ANTXR1: variants seen among roughly 807,000 people sequenced by gnomAD.
ANTXR1 encodes the protein anthrax toxin receptor 1.
ANTXR1 carries 19 observed loss-of-function variants against 78.1 expected under a neutral mutation model. That is an observed-to-expected ratio of 0.24 (90% confidence interval 0.17 to 0.36). The LOEUF (loss-of-function observed/expected upper bound fraction) is 0.36, where lower values mean the gene tolerates loss of function less well. ANTXR1 is among the 10% of genes least tolerant of loss of function. The pLI, the probability that ANTXR1 is intolerant of heterozygous loss-of-function variation, is 1.00. For synonymous variants in ANTXR1, 273 were observed against 260.5 expected, an observed-to-expected ratio of 1.05 and a Z score of -0.46; for missense variants, 518 against 718.6, an observed-to-expected ratio of 0.72 and a Z score of 3.19.
At chr2:69,032,055 G>A (rs1312128207) in intron 1 of ANTXR1, among the ~76,000 whole-genome samples, 1 of 152,106 alleles carries the variant, frequency 6.6e-6, no homozygotes, top group African/African-American at 2.4e-5. Flanking sequence ...TTATAATGGT[G>A]AAAAAGTAGA....
intron 8 of ANTXR1, among the ~76,000 whole-genome samples, chr2:69,088,338 T>C (rs898786662): frequency 6.6e-6 from 1 of 152,222 alleles, no homozygotes; most frequent in Non-Finnish European, 1.5e-5. Flanking sequence ...AAAAGCTCTT[T>C]TTAAATTCTT....
At chr2:69,091,118 TAAAA>T (rs199910182) in intron 9 of ANTXR1, among the ~76,000 whole-genome samples, 199 bp downstream of exon 9, 1 of 138,950 alleles carries the variant, frequency 7.2e-6, no homozygotes. Context: ...GTTTGGAAGT[TAAAA>T]AAAAAAAAAA....
chr2:69,222,427 T>C (rs1005972203), intron 17 of ANTXR1, among the ~76,000 whole-genome samples: 3 of 152,184 alleles, frequency 2.0e-5, no homozygotes, highest in African/African-American at 7.2e-5. Context: ...CAGATATTAA[T>C]TCCAGAGTGA....
intron 8 of ANTXR1, among the ~76,000 whole-genome samples, chr2:69,082,160 C>T (rs542866935): frequency 6.6e-6 from 1 of 152,148 alleles, no homozygotes; most frequent in Non-Finnish European, 1.5e-5. Context: ...CTGAATACAC[C>T]GTGGATGGGC....
At chr2:69,191,742 T>A (rs1023888444) in intron 16 of ANTXR1, among the ~76,000 whole-genome samples, 1 of 152,140 alleles carries the variant, frequency 6.6e-6, no homozygotes, top group African/African-American at 2.4e-5. Flanking sequence ...TTCTAAAGGA[T>A]CTAAATTAAA....
At position 69,013,311 on chromosome 2, in the gene ANTXR1, A is replaced by G. The variant is rs1670919095; in HGVS notation, c.-189A>G. ...TCCTTGAAACCCGAAACCCAGAAAC[A>G]GCATCGGAGCGGAAACCAGAGGGGA... On this transcript the variant is annotated 5_prime_UTR_variant, in exon 1 of 18. Transcript: ENST00000303714. The surrounding 1 kb of genome is among the most constrained non-coding windows in gnomAD (Gnocchi z 5.0). 1 of 755,474 alleles carries G rather than the reference A, an allele frequency of 1.3e-6. No homozygotes were observed. The highest frequency in any genetic ancestry group is 2.2e-6 in the Non-Finnish European group (1 of 461,902). The allele number at this position is 755,474 out of a possible 1,614,324, so 46.8% of individuals were successfully genotyped here.
chr2:69,108,892 A>G (rs958959812), intron 10 of ANTXR1, among the ~76,000 whole-genome samples: 2 of 152,236 alleles, frequency 1.3e-5, no homozygotes, highest in African/African-American at 4.8e-5. Flanking sequence ...AAATGTAACA[A>G]GAACTAATTT....
At chr2:69,077,272 T>G (rs1370282677) in intron 7 of ANTXR1, 136 bp from the exon 8 acceptor site, 2 of 886,550 alleles carry the variant, frequency 2.3e-6, no homozygotes, top group African/African-American at 3.3e-5. Flanking sequence ...GGGCAGCCCC[T>G]GAGCCCAGTG....
intron 6 of ANTXR1, 69 bp from the exon 7 acceptor site, chr2:69,075,521 C>A: frequency 1.4e-6 from 2 of 1,441,168 alleles, no homozygotes; most frequent in Non-Finnish European, 2.0e-6. Flanking sequence ...TGAAGTTAGT[C>A]AGGTAGCTCC....
At chr2:69,124,750 C>A in intron 12 of ANTXR1, 107 bp downstream of exon 12, 1 of 1,135,770 alleles carries the variant, frequency 8.8e-7, no homozygotes, top group Non-Finnish European at 1.3e-6. Flanking sequence ...TTTTTTGGTT[C>A]TTCGTTCTGC....
intron 3 of ANTXR1, among the ~76,000 whole-genome samples, chr2:69,045,985 C>A (rs1669756830): frequency 6.6e-6 from 1 of 152,088 alleles, no homozygotes; most frequent in African/African-American, 2.4e-5. Context: ...ATCATAAAAT[C>A]CAAGACACTT....
chr2:69,194,801 C>A (rs1002318526), intron 17 of ANTXR1, among the ~76,000 whole-genome samples: 1 of 150,352 alleles, frequency 6.7e-6, no homozygotes, highest in Non-Finnish European at 1.5e-5. Context: ...TGCAGTGAGC[C>A]GAGATCGCAC....
chr2:69,014,555 C>T (rs890055412), intron 1 of ANTXR1, among the ~76,000 whole-genome samples: 5 of 152,058 alleles, frequency 3.3e-5, no homozygotes, highest in Non-Finnish European at 7.4e-5. Flanking sequence ...TTCCCAAATC[C>T]GCATAAGTTT....
intron 14 of ANTXR1, among the ~76,000 whole-genome samples, chr2:69,180,584 CACTT>C (rs1369646576): frequency 1.3e-5 from 2 of 152,072 alleles, no homozygotes; most frequent in Non-Finnish European, 2.9e-5. Context: ...AAGTTGCAGA[CACTT>C]AATTAACTGC....
chr2:69,170,317 G>A (rs753726210), intron 14 of ANTXR1, 28 bp downstream of exon 14: 1 of 1,613,456 alleles, frequency 6.2e-7, no homozygotes, highest in Non-Finnish European at 8.5e-7. Context: ...GATGGCAGTG[G>A]GTGGGCAGGG....
At chr2:69,130,871 T>G (rs1672720340) in intron 12 of ANTXR1, among the ~76,000 whole-genome samples, 1 of 152,180 alleles carries the variant, frequency 6.6e-6, no homozygotes, top group South Asian at 2.1e-4. Flanking sequence ...TTGAAGATGT[T>G]GCCCACAAGA....
At chr2:69,074,151 G>T (rs1218071172) in intron 6 of ANTXR1, among the ~76,000 whole-genome samples, 1 of 152,168 alleles carries the variant, frequency 6.6e-6, no homozygotes, top group Non-Finnish European at 1.5e-5. Context: ...GCCTACACTG[G>T]CAGAGGACTT....
At chr2:69,134,720 GA>G (rs1334157293) in intron 12 of ANTXR1, among the ~76,000 whole-genome samples, 1 of 152,168 alleles carries the variant, frequency 6.6e-6, no homozygotes, top group Admixed American at 6.5e-5. Flanking sequence ...GGTGATACTG[GA>G]GACAACTTCT....
At chr2:69,096,326 A>G (rs1261757185) in intron 9 of ANTXR1, among the ~76,000 whole-genome samples, 1 of 9,800 alleles carries the variant, frequency 1.0e-4, no homozygotes, top group African/African-American at 1.2e-3. Context: ...GGAAGGGAGG[A>G]AGGGAGGAAG....
Sources: allele counts gnomAD v4.1 joint callset (sites outside exome capture counted in the v4.1 genomes callset), GRCh38; gene constraint gnomAD v4.1.1; non-coding constraint Gnocchi (gnomAD v3.1); transcripts MANE v1.5; gene names NCBI Gene and HGNC (gene_info 2026-07-23, HGNC 2026-07-21).